Variants in GRID2 observed in about 807,000 individuals in gnomAD.
GRID2 encodes glutamate ionotropic receptor delta type subunit 2.
A neutral mutation model predicts 114.8 loss-of-function variants in GRID2; 33 were observed. The observed-to-expected ratio is 0.29, with a 90% confidence interval of 0.22 to 0.38. The LOEUF is 0.38. Ranked by LOEUF, GRID2 falls within the 10% of genes least tolerant of loss-of-function variation. The pLI is 1.00. For synonymous variants in GRID2, 505 were observed against 449.9 expected, an observed-to-expected ratio of 1.12 and a Z score of -1.55; for missense variants, 1,184 against 1,257.7, an observed-to-expected ratio of 0.94 and a Z score of 0.89.
chr4:93,672,340 G>A (rs1289529289), intron 14 of GRID2, among the ~76,000 whole-genome samples: 2 of 152,266 alleles, frequency 1.3e-5, no homozygotes, highest in Non-Finnish European at 2.9e-5. Context: ...CTGTTTGTGG[G>A]GGTGTCGATG....
intron 2 of GRID2, among the ~76,000 whole-genome samples, chr4:92,864,746 T>G (rs886339618): frequency 6.6e-6 from 1 of 152,128 alleles, no homozygotes; most frequent in African/African-American, 2.4e-5. Flanking sequence ...AGATACAAGT[T>G]CACCAGTGAC....
At chr4:93,413,925 G>A (rs1299576341) in intron 9 of GRID2, among the ~76,000 whole-genome samples, 1 of 152,032 alleles carries the variant, frequency 6.6e-6, no homozygotes, top group Non-Finnish European at 1.5e-5. Context: ...TTCACCTTGA[G>A]GACTTTAGTC....
At position 93,558,596 on chromosome 4, in the gene GRID2, G is replaced by T. The variant is rs185958787; in HGVS notation, c.2193+43185G>T. The stretch of plus-strand genomic sequence containing the variant: ...TCTGAAATTGAGGCAGTTATTAATG[G>T]CCTACCAACCGAAAAATGCCCAGAA... On this transcript the variant is annotated intron_variant, in intron 13 of 15. Coordinates refer to ENST00000282020, the MANE Select transcript of GRID2 (RefSeq NM_001510.4). Among the ~76,000 whole-genome samples the T allele has an allele frequency of 2.0e-5, 3 of 152,168 alleles. No individual in the cohort carries two copies. In the South Asian group the frequency reaches 6.2e-4, roughly 32 times the overall value.
chr4:92,937,325 T>G (rs1401817584), intron 2 of GRID2, among the ~76,000 whole-genome samples: 1 of 146,860 alleles, frequency 6.8e-6, no homozygotes, highest in Non-Finnish European at 1.5e-5. Context: ...GTTTTAGCAC[T>G]TATATTTAAG....
intron 14 of GRID2, among the ~76,000 whole-genome samples, chr4:93,726,836 G>A (rs1489919196): frequency 6.6e-6 from 1 of 152,144 alleles, no homozygotes. Flanking sequence ...CATTGATTTT[G>A]TATCCTGAGA....
chr4:92,308,351 C>T (rs1010884838), intron 1 of GRID2, among the ~76,000 whole-genome samples: 1 of 152,140 alleles, frequency 6.6e-6, no homozygotes, highest in Non-Finnish European at 1.5e-5. Context: ...TACAAGGGAA[C>T]ACTCAAACAG....
intron 2 of GRID2, among the ~76,000 whole-genome samples, chr4:92,922,864 A>G (rs530679735): frequency 3.3e-5 from 5 of 152,328 alleles, no homozygotes; most frequent in African/African-American, 4.8e-5. Context: ...ATGCTGTTAG[A>G]CGTTAGAATA....
At chr4:93,169,384 C>T (rs144665868) in intron 4 of GRID2, among the ~76,000 whole-genome samples, 67 of 152,094 alleles carry the variant, frequency 4.4e-4, no homozygotes, top group African/African-American at 1.5e-3. Flanking sequence ...CAAGTAGTCT[C>T]GAAAATATGA....
intron 10 of GRID2, among the ~76,000 whole-genome samples, chr4:93,448,848 T>G (rs1249285593): frequency 1.2e-4 from 1 of 8,572 alleles, no homozygotes; most frequent in African/African-American, 6.6e-4. Context: ...TCCCTTCCCT[T>G]CCCTTCCCTT....
intron 1 of GRID2, among the ~76,000 whole-genome samples, chr4:92,379,817 A>G (rs770676550): frequency 7.9e-5 from 12 of 152,122 alleles, no homozygotes; most frequent in Non-Finnish European, 1.6e-4. Flanking sequence ...GCTTATTTTA[A>G]TAGCCTTACA....
At chr4:92,428,288 G>C (rs1732259380) in intron 1 of GRID2, among the ~76,000 whole-genome samples, 1 of 151,680 alleles carries the variant, frequency 6.6e-6, no homozygotes, top group South Asian at 2.1e-4. Context: ...AATAATAATA[G>C]TTTTGAAAAA....
At chr4:92,683,936 A>T (rs1397903704) in intron 2 of GRID2, among the ~76,000 whole-genome samples, 1 of 151,986 alleles carries the variant, frequency 6.6e-6, no homozygotes. Context: ...TTTTTAACAT[A>T]TCTCTCTTTA....
At chr4:93,291,318 G>T (rs530716938) in intron 8 of GRID2, among the ~76,000 whole-genome samples, 2 of 152,154 alleles carry the variant, frequency 1.3e-5, no homozygotes, top group Non-Finnish European at 2.9e-5. Flanking sequence ...AAGGGACAAG[G>T]TTGCAATTTT....
intron 14 of GRID2, among the ~76,000 whole-genome samples, chr4:93,765,434 A>G (rs1733568791): frequency 6.6e-6 from 1 of 151,962 alleles, no homozygotes; most frequent in Non-Finnish European, 1.5e-5. Context: ...AATAAACAAT[A>G]CAAAGAGATT....
intron 2 of GRID2, among the ~76,000 whole-genome samples, chr4:92,731,021 T>C (rs1359308098): frequency 6.6e-6 from 1 of 151,898 alleles, no homozygotes; most frequent in Non-Finnish European, 1.5e-5. Context: ...TTTCCAACTT[T>C]AGGAATTATA....
At chr4:93,269,648 A>G (rs1370853892) in intron 8 of GRID2, among the ~76,000 whole-genome samples, 4 of 152,178 alleles carry the variant, frequency 2.6e-5, no homozygotes, top group Non-Finnish European at 5.9e-5. Flanking sequence ...CATTGAGGGG[A>G]TAATTCTTAC....
At chr4:92,347,680 A>T (rs1283903537) in intron 1 of GRID2, among the ~76,000 whole-genome samples, 1 of 152,074 alleles carries the variant, frequency 6.6e-6, no homozygotes, top group Admixed American at 6.6e-5. Context: ...TGTGCTCAGA[A>T]ATTACATAAG....
chr4:92,430,533 A>G (rs1732389644), intron 1 of GRID2, among the ~76,000 whole-genome samples: 1 of 152,096 alleles, frequency 6.6e-6, no homozygotes, highest in African/African-American at 2.4e-5. Flanking sequence ...ATTTAAAGTC[A>G]GGTGATGTGA....
At chr4:93,288,463 GGT>G (rs1753407854) in intron 8 of GRID2, among the ~76,000 whole-genome samples, 1 of 152,122 alleles carries the variant, frequency 6.6e-6, no homozygotes, top group African/African-American at 2.4e-5. Flanking sequence ...GTGATGGACA[GGT>G]GGTCTCCTGC....
Sources: allele counts gnomAD v4.1 joint callset (sites outside exome capture counted in the v4.1 genomes callset), GRCh38; gene constraint gnomAD v4.1.1; transcripts MANE v1.5; gene names NCBI Gene and HGNC (gene_info 2026-07-23, HGNC 2026-07-21).